WLS: variants seen among roughly 807,000 people sequenced by gnomAD.
WLS encodes the protein protein wntless homolog.
WLS carries 23 observed loss-of-function variants against 62.8 expected under a neutral mutation model. The ratio of observed to expected loss-of-function variants is 0.37; its 90% CI spans 0.26 to 0.52. WLS has a LOEUF of 0.52. Among genes scored for constraint, WLS ranks in the 20% least tolerant of loss-of-function variants. WLS has a pLI of 0.92. For missense variants in WLS, 615 were observed against 697.3 expected (o/e 0.88, Z 1.33); for synonymous variants, 246 against 244.1 (o/e 1.01, Z -0.07).
downstream of WLS, among the ~76,000 whole-genome samples, chr1:68,124,847 A>G (rs954722523): frequency 3.9e-5 from 6 of 152,144 alleles, no homozygotes; most frequent in Non-Finnish European, 7.3e-5. Context: ...AAAACAAGTT[A>G]CTCATGAAAC....
chr1:68,131,085 TG>T (rs1646514006), intron 11 of WLS, among the ~76,000 whole-genome samples: 1 of 108,410 alleles, frequency 9.2e-6, no homozygotes, highest in South Asian at 3.2e-4. Context: ...TGTGTGTGTG[TG>T]TTTTTAAGTA....
downstream of WLS, among the ~76,000 whole-genome samples, chr1:68,124,825 C>G (rs1224611728): frequency 2.0e-5 from 3 of 152,184 alleles, no homozygotes; most frequent in East Asian, 5.8e-4. Flanking sequence ...ACCTCCAGAC[C>G]TCAGTGTCTG....
Position 68,127,295 on chromosome 1 carries a change from A to G in WLS, c.1517-960T>C, listed in dbSNP as rs138119392. On this transcript the variant is annotated intron_variant, in intron 11 of 11. Coordinates refer to ENST00000262348, the MANE Select transcript of WLS (RefSeq NM_024911.7). ...GATTGGGGAAGGAGCCATGTCTAAC[A>G]CATCTAGGAACAATGAGGGGCTTTA... is the stretch of plus-strand genomic sequence containing the variant. 15 of 172,008 alleles carry G rather than the reference A, an allele frequency of 8.7e-5. 1 individual carries two copies. The highest frequency in any genetic ancestry group is 6.0e-4 in the Middle Eastern group (1 of 1,662). The allele number at this position is 172,008 out of a possible 1,614,324, so 10.7% of individuals were successfully genotyped here.
At chr1:68,219,571 G>T (rs1277412142) in intron 1 of WLS, among the ~76,000 whole-genome samples, 2 of 152,044 alleles carry the variant, frequency 1.3e-5, no homozygotes, top group East Asian at 1.9e-4. Flanking sequence ...AAGCATTTTA[G>T]TTACCTCCAC....
intron 2 of WLS, among the ~76,000 whole-genome samples, chr1:68,164,185 G>A (rs987109623): frequency 4.0e-5 from 6 of 151,834 alleles, no homozygotes; most frequent in African/African-American, 1.2e-4. Flanking sequence ...GACAAAGACA[G>A]TAAAAAGAAA....
rs751963442 is a variant in WLS, at chr1:68,232,234, G to A, written c.66C>T (p.Leu22=). ...CCAGAAAGGCGATGATTTGGAACAC[G>A]AGCAGAATCCCACCAACAATGCACA... is the stretch of plus-strand genomic sequence containing the variant. ...KKLCIVGGIL[L]VFQIIAFLVG... Residue 22 remains leucine, a synonymous_variant, in exon 1 of 12, where the codon CTC becomes CTT. Coordinates refer to ENST00000262348, the MANE Select transcript of WLS (RefSeq NM_024911.7). 1.2e-6 allele frequency: 2 copies of A among 1,614,158 alleles called. No individual in the cohort carries two copies. The highest frequency in any genetic ancestry group is 1.7e-6 in the Non-Finnish European group (2 of 1,180,034).
In WLS at chr1:68,126,157, G is replaced by T. The variant is rs961290203; in HGVS notation, c.*69C>A. ...TCATTTGTACATTGAGCTCTCTCTG[G>T]CATGCTCCCCACTCTAGTTAGAGGG... On this transcript the variant is annotated 3_prime_UTR_variant, in exon 12 of 12. Coordinates refer to ENST00000262348, the MANE Select transcript of WLS (RefSeq NM_024911.7). 6.3e-7 allele frequency: 1 copy of T among 1,588,414 alleles called. No homozygotes were observed. The highest frequency in any genetic ancestry group is 8.6e-7 in the Non-Finnish European group (1 of 1,167,356).
chr1:68,116,478 T>A (rs542632424), intron 11 of WLS, among the ~76,000 whole-genome samples: 2 of 152,192 alleles, frequency 1.3e-5, no homozygotes, highest in African/African-American at 2.4e-5. Flanking sequence ...GGAGCTAAAT[T>A]GGCTGAGTTG....
chr1:68,193,430 A>C (rs1275583618), intron 2 of WLS, among the ~76,000 whole-genome samples: 9 of 140,040 alleles, frequency 6.4e-5, no homozygotes, highest in East Asian at 2.0e-4. Flanking sequence ...AAAAAAAAAA[A>C]AAAAAAAAAA....
At chr1:68,166,035 A>G (rs1199286998) in intron 2 of WLS, among the ~76,000 whole-genome samples, 1 of 152,206 alleles carries the variant, frequency 6.6e-6, no homozygotes, top group Admixed American at 6.5e-5. Flanking sequence ...AGGATCCTCA[A>G]AGGAAAAACT....
chr1:68,126,679 C>CA (rs1557458954), intron 11 of WLS, among the ~76,000 whole-genome samples: 1 of 152,148 alleles, frequency 6.6e-6, no homozygotes, highest in African/African-American at 2.4e-5. Flanking sequence ...CTTTAATCCT[C>CA]GCAGAAGCCC....
intron 1 of WLS, 83 bp downstream of exon 1, chr1:68,232,111 T>A (rs900798137): frequency 5.1e-6 from 8 of 1,573,078 alleles, no homozygotes; most frequent in Non-Finnish European, 6.9e-6. Flanking sequence ...GCAGTGATAC[T>A]GTAACAAGTA....
intron 11 of WLS, among the ~76,000 whole-genome samples, chr1:68,104,194 A>T (rs995737218): frequency 1.6e-5 from 1 of 61,988 alleles, no homozygotes; most frequent in Non-Finnish European, 3.3e-5. Flanking sequence ...TTTGTGATTT[A>T]AAAAAAAAAG....
At chr1:68,127,950 C>A (rs550008195) in intron 11 of WLS, among the ~76,000 whole-genome samples, 5 of 152,270 alleles carry the variant, frequency 3.3e-5, no homozygotes, top group East Asian at 1.9e-4. Context: ...ATCGTAGACC[C>A]ATTTCTCTGT....
intron 2 of WLS, among the ~76,000 whole-genome samples, chr1:68,167,858 A>G (rs548093208): frequency 3.9e-5 from 6 of 152,238 alleles, no homozygotes; most frequent in Admixed American, 2.0e-4. Context: ...CCATCCTGTT[A>G]TGGGGGCAGT....
chr1:68,130,728 G>A (rs1431072190), intron 11 of WLS, among the ~76,000 whole-genome samples: 1 of 152,100 alleles, frequency 6.6e-6, no homozygotes, highest in Non-Finnish European at 1.5e-5. Flanking sequence ...ACAAAATAGT[G>A]TCGCTGGTGC....
intron 3 of WLS, among the ~76,000 whole-genome samples, chr1:68,158,498 G>C (rs527464672): frequency 6.6e-6 from 1 of 152,000 alleles, no homozygotes; most frequent in Non-Finnish European, 1.5e-5. Context: ...CTAGTCCAGG[G>C]GTGTCCAATC....
chr1:68,191,115 G>A (rs1269216645), intron 2 of WLS, among the ~76,000 whole-genome samples: 1 of 139,640 alleles, frequency 7.2e-6, no homozygotes, highest in Non-Finnish European at 1.6e-5. Flanking sequence ...AGGGTAATTT[G>A]TTACCCAGCA....
intron 1 of WLS, among the ~76,000 whole-genome samples, chr1:68,230,785 CTTTG>C (rs768151104): frequency 5.9e-5 from 9 of 152,304 alleles, no homozygotes; most frequent in East Asian, 1.9e-4. Flanking sequence ...ACCCACTCTC[CTTTG>C]TTTAAGACAA....
Sources: allele counts gnomAD v4.1 joint callset (sites outside exome capture counted in the v4.1 genomes callset), GRCh38; gene constraint gnomAD v4.1.1; transcripts MANE v1.5; gene names NCBI Gene and HGNC (gene_info 2026-07-23, HGNC 2026-07-21).